PCDHB2: variants seen among roughly 807,000 people sequenced by gnomAD.
PCDHB2 encodes protocadherin beta-2.
For synonymous variants in PCDHB2, 395 were observed against 464.9 expected, an observed-to-expected ratio of 0.85 and a Z score of 1.93; for missense variants, 914 against 1,023.1, an observed-to-expected ratio of 0.89 and a Z score of 1.45.
chr5:141,095,731 T>A lies in PCDHB2; in HGVS notation c.941T>A (p.Ile314Asn), dbSNP rs1751797775. 2 of 1,614,174 alleles carry A rather than the reference T, an allele frequency of 1.2e-6. No individual in the cohort carries two copies. ...LLRQKLDFES[I>N]QTYTVNIQAT... is the part of the protein sequence containing the mutation. ...AGACAGAAACTGGATTTCGAATCCA[T>A]CCAGACATACACAGTAAATATTCAG... Residue 314 changes from isoleucine (I) to asparagine (N), a missense_variant, in exon 1 of 1, where the codon ATC becomes AAC. By Grantham distance (149) the Ile-to-Asn change is moderately radical. Coordinates refer to ENST00000194155, the MANE Select transcript of PCDHB2 (RefSeq NM_018936.4).
Position 141,095,151 on chromosome 5 carries a change from G to A in PCDHB2, c.361G>A (p.Ala121Thr), listed in dbSNP as rs142298326. ...LLENPLQFFQ[A>T]ELRIRDVNDH... ...AGAAAATCCCTTGCAGTTTTTTCAG[G>A]CGGAGCTACGGATTAGGGACGTAAA... The change falls in exon 1 of 1, where the codon GCG (alanine) becomes ACG (threonine). Residue 121 changes from alanine to threonine, a missense_variant. Physicochemically the swap from Ala to Thr is moderately conservative, Grantham distance 58. Coordinates refer to ENST00000194155, the MANE Select transcript of PCDHB2 (RefSeq NM_018936.4). The A allele has an allele frequency of 4.9e-5, 79 of 1,612,830 alleles. No individual in the cohort carries two copies. The African/African-American group carries it at 1.0e-3, about 21-fold the overall frequency.
At position 141,097,362 on chromosome 5, in the gene PCDHB2, A is replaced by C; in HGVS notation, c.*175A>C. The C allele has an allele frequency of 1.5e-6, 1 of 662,816 alleles. No homozygotes were observed. Among genetic ancestry groups the C allele is most frequent in the Non-Finnish European group, 2.4e-6 (1 of 422,404 alleles). The allele number at this position is 662,816 out of a possible 1,614,324, so 41.1% of individuals were successfully genotyped here. ...GTTTTTTTGCGGTATAATAAATGTA[A>C]ATTTTCTTTGTATTCTAATTGTTGG... On this transcript the variant is annotated 3_prime_UTR_variant, in exon 1 of 1. Transcript: ENST00000194155.
chr5:141,097,275 T>C lies in PCDHB2; in HGVS notation c.*88T>C. The C allele has an allele frequency of 7.2e-7, 1 of 1,381,170 alleles. No homozygotes were observed. The highest frequency in any genetic ancestry group is 9.9e-7 in the Non-Finnish European group (1 of 1,015,134). The allele number at this position is 1,381,170 out of a possible 1,614,324, so 85.6% of individuals were successfully genotyped here. A position where few individuals can be genotyped will look rare whatever the true frequency, so the allele number is the denominator to read the frequency against. ...TTTGCCCATTGGAGGTGTCTCCTTT[T>C]ATTAGAAAGTAACCATCTTATTCCA... On this transcript the variant is annotated 3_prime_UTR_variant, in exon 1 of 1. Coordinates refer to ENST00000194155, the MANE Select transcript of PCDHB2 (RefSeq NM_018936.4).
rs782281418 is a variant in PCDHB2, at chr5:141,094,866, G to C, written c.76G>C (p.Ala26Pro). 1.5e-5 allele frequency: 25 copies of C among 1,613,174 alleles called. No individual in the cohort carries two copies. The highest frequency in any genetic ancestry group is 2.7e-5 in the African/African-American group (2 of 74,882). Residue 26 changes from alanine to proline, a missense_variant, in exon 1 of 1, where the codon GCT becomes CCT. Physicochemically the swap from Ala to Pro is conservative, Grantham distance 27 (BLOSUM62 -1). Transcript: ENST00000194155. Reference protein sequence around the residue: ...VLIFFVLLGIAQASCQPRHYS... With the variant: ...VLIFFVLLGIPQASCQPRHYS... The stretch of plus-strand genomic sequence containing the variant: ...GATATTCTTTGTTTTGCTGGGCATA[G>C]CTCAGGCTAGTTGCCAGCCTAGGCA...
Position 141,098,009 on chromosome 5 carries a change from T to G in PCDHB2, c.*822T>G, listed in dbSNP as rs1383180423. ...CCACCGCCCCCCAGTCCAATATGTA[T>G]ACTTCTTTCAAGTGTTGACATATGA... On this transcript the variant is annotated 3_prime_UTR_variant, in exon 1 of 1. Transcript: ENST00000194155. The G allele has an allele frequency of 6.6e-6, 1 of 152,242 alleles. No homozygotes were observed. Among genetic ancestry groups the G allele is most frequent in the Non-Finnish European group, 1.5e-5 (1 of 68,058 alleles). 9.4% of individuals were successfully genotyped at this position (152,242 alleles called of 1,614,324 possible). A position where few individuals can be genotyped will look rare whatever the true frequency, so the allele number is the denominator to read the frequency against.
chr5:141,096,985 G>T lies in PCDHB2; in HGVS notation c.2195G>T (p.Gly732Val), dbSNP rs572676331. The change falls in exon 1 of 1, where the codon GGC becomes GTC. Residue 732 changes from glycine (G) to valine (V), a missense_variant. Physicochemically the swap from Gly to Val is moderately radical, Grantham distance 109 (BLOSUM62 -3). Transcript: ENST00000194155. ...GTGGGTCGCTGCTCGGTGCCCGAGG[G>T]CCCCTTTCCAGGGCAGATGGTGGAC... ...ASVGRCSVPE[G>V]PFPGQMVDVS... The T allele has an allele frequency of 6.2e-7, 1 of 1,613,048 alleles. No homozygotes were observed. The highest frequency in any genetic ancestry group is 1.3e-5 in the African/African-American group (1 of 74,898).
At position 141,095,661 on chromosome 5, in the gene PCDHB2, C is replaced by G. The variant is rs1554271302; in HGVS notation, c.871C>G (p.Arg291Gly). ...YAFSQASEDI[R>G]KTFRLSAKSG... ...ATTTTCCCAAGCATCTGAAGACATTCGCAAAACGTTTCGATTAAGTGCAAA... is the reference window on the plus strand; with the variant it reads ...ATTTTCCCAAGCATCTGAAGACATTGGCAAAACGTTTCGATTAAGTGCAAA... Residue 291 changes from arginine (R) to glycine (G), a missense_variant, in exon 1 of 1, where the codon CGC (arginine) becomes GGC (glycine). Arg to Gly is a moderately radical substitution (Grantham distance 125). Transcript: ENST00000194155. 5.0e-6 allele frequency: 8 copies of G among 1,614,150 alleles called. No individual in the cohort carries two copies. The highest frequency in any genetic ancestry group is 5.9e-6 in the Non-Finnish European group (7 of 1,180,038).
rs1454502277 is a variant in PCDHB2, at chr5:141,097,911, T to G, written c.*724T>G. ...ACAGGGTGTCTCCATGTTGGTCAGG[T>G]TGGTCTTGAACTCCTGACCTTAGGT... On this transcript the variant is annotated 3_prime_UTR_variant, in exon 1 of 1. Transcript: ENST00000194155. 6.6e-6 allele frequency: 1 copy of G among 152,182 alleles called. No homozygotes were observed. Among genetic ancestry groups the G allele is most frequent in the African/African-American group, 2.4e-5 (1 of 41,424 alleles). The allele number at this position is 152,182 out of a possible 1,614,324, so 9.4% of individuals were successfully genotyped here.
rs782281418 is a variant in PCDHB2 at position 141,094,866 on chromosome 5, G to A, written c.76G>A (p.Ala26Thr). Residue 26 changes from alanine (A) to threonine (T), a missense_variant, in exon 1 of 1, where the codon GCT becomes ACT. Ala to Thr is a moderately conservative substitution (Grantham distance 58, BLOSUM62 0). Transcript: ENST00000194155. ...VLIFFVLLGI[A>T]QASCQPRHYS... is the part of the protein sequence containing the mutation. ...GATATTCTTTGTTTTGCTGGGCATA[G>A]CTCAGGCTAGTTGCCAGCCTAGGCA... The A allele has an allele frequency of 6.2e-7, 1 of 1,613,292 alleles. No individual in the cohort carries two copies.
At position 141,097,386 on chromosome 5, in the gene PCDHB2, GGTTA is replaced by G; in HGVS notation, c.*203_*206del. The stretch of plus-strand genomic sequence containing the variant: ...AAATTTTCTTTGTATTCTAATTGTT[GGTTA>G]GTTTCATTGCAATTTAATTGCATTT... On this transcript the variant is annotated 3_prime_UTR_variant, in exon 1 of 1. Coordinates refer to ENST00000194155, the MANE Select transcript of PCDHB2 (RefSeq NM_018936.4). 1.8e-6 allele frequency: 1 copy of G among 569,522 alleles called. No individual in the cohort carries two copies. Among genetic ancestry groups the G allele is most frequent in the Non-Finnish European group, 2.9e-6 (1 of 345,862 alleles). 35.3% of individuals were successfully genotyped at this position (569,522 alleles called of 1,614,324 possible). A position where few individuals can be genotyped will look rare whatever the true frequency, so the allele number is the denominator to read the frequency against.
chr5:141,095,715 C>T lies in PCDHB2; in HGVS notation c.925C>T (p.Leu309=). ...GGGAGAACTGCTTTTAAGACAGAAA[C>T]TGGATTTCGAATCCATCCAGACATA... is the stretch of plus-strand genomic sequence containing the variant. ...KSGELLLRQK[L]DFESIQTYTV... The change falls in exon 1 of 1, where the codon CTG becomes TTG. Residue 309 remains leucine (L), a synonymous_variant. Coordinates refer to ENST00000194155, the MANE Select transcript of PCDHB2 (RefSeq NM_018936.4). The T allele has an allele frequency of 6.2e-7, 1 of 1,614,132 alleles. No individual in the cohort carries two copies. Among genetic ancestry groups the T allele is most frequent in the Non-Finnish European group, 8.5e-7 (1 of 1,179,996 alleles).
rs1751838252 is a variant in PCDHB2, at chr5:141,096,736, A to G, written c.1946A>G (p.Asn649Ser). The change falls in exon 1 of 1, where the codon AAT becomes AGT. Residue 649 changes from asparagine to serine, a missense_variant. Transcript: ENST00000194155. ...AGGCTGGTGGTGCTGGTCAAGGACAATGGCGAGCCTCCGCGCTCGGCCACC... is the reference window on the plus strand; with the variant it reads ...AGGCTGGTGGTGCTGGTCAAGGACAGTGGCGAGCCTCCGCGCTCGGCCACC... The part of the protein sequence containing the change: ...KQRLVVLVKD[N>S]GEPPRSATAT... The G allele has an allele frequency of 6.2e-7, 1 of 1,610,336 alleles. No homozygotes were observed. The highest frequency in any genetic ancestry group is 8.5e-7 in the Non-Finnish European group (1 of 1,179,648).
At position 141,095,195 on chromosome 5, in the gene PCDHB2, C is replaced by T. The variant is rs947722028; in HGVS notation, c.405C>T (p.Phe135=). 5 of 1,609,954 alleles carry T rather than the reference C, an allele frequency of 3.1e-6. No homozygotes were observed. Among genetic ancestry groups the T allele is most frequent in the East Asian group, 2.2e-5 (1 of 44,846 alleles). Residue 135 remains phenylalanine (F), a synonymous_variant, in exon 1 of 1, where the codon TTC becomes TTT. Coordinates refer to ENST00000194155, the MANE Select transcript of PCDHB2 (RefSeq NM_018936.4). ...ACGTAAATGATCATTCCCCAGTTTT[C>T]CTAGACAAAGAAATACTTTTGAAAA... ...IRDVNDHSPV[F]LDKEILLKIP...
Position 141,098,221 on chromosome 5 carries a change from T to C in PCDHB2, c.*1034T>C, listed in dbSNP as rs1554271832. On this transcript the variant is annotated 3_prime_UTR_variant, in exon 1 of 1. Coordinates refer to ENST00000194155, the MANE Select transcript of PCDHB2 (RefSeq NM_018936.4). The stretch of plus-strand genomic sequence containing the variant: ...CATCATGCTTTCTCTTTCAAATAGT[T>C]TTTTTAAGAGCCCTCTGCTTATTCC... 1 of 152,186 alleles carries C rather than the reference T, an allele frequency of 6.6e-6. No individual in the cohort carries two copies. The highest frequency in any genetic ancestry group is 1.5e-5 in the Non-Finnish European group (1 of 68,046). 9.4% of individuals were successfully genotyped at this position (152,186 alleles called of 1,614,324 possible).
Position 141,097,271 on chromosome 5 carries a change from C to T in PCDHB2, c.*84C>T. 7.1e-7 allele frequency: 1 copy of T among 1,413,020 alleles called. No homozygotes were observed. The highest frequency in any genetic ancestry group is 9.6e-7 in the Non-Finnish European group (1 of 1,044,148). The allele number at this position is 1,413,020 out of a possible 1,614,324, so 87.5% of individuals were successfully genotyped here. ...CTGCTTTGCCCATTGGAGGTGTCTC[C>T]TTTTATTAGAAAGTAACCATCTTAT... is the stretch of plus-strand genomic sequence containing the variant. On this transcript the variant is annotated 3_prime_UTR_variant, in exon 1 of 1. Transcript: ENST00000194155.
At position 141,096,528 on chromosome 5, in the gene PCDHB2, C is replaced by T. The variant is rs1348797529; in HGVS notation, c.1738C>T (p.Arg580Trp). Residue 580 changes from arginine to tryptophan, a missense_variant, in exon 1 of 1, where the codon CGG becomes TGG. Arg to Trp is a moderately radical substitution (Grantham distance 101). Coordinates refer to ENST00000194155, the MANE Select transcript of PCDHB2 (RefSeq NM_018936.4). Reference protein sequence around the residue: ...GSAPCTELVPRAAEPGYLVTK... With the variant: ...GSAPCTELVPWAAEPGYLVTK... Reference sequence around the variant, plus strand: ...CGCGCCCTGCACCGAGCTGGTGCCCCGGGCGGCCGAGCCGGGCTACCTGGT... The same window carrying T: ...CGCGCCCTGCACCGAGCTGGTGCCCTGGGCGGCCGAGCCGGGCTACCTGGT... The T allele has an allele frequency of 1.2e-6, 2 of 1,606,756 alleles. No individual in the cohort carries two copies. Among genetic ancestry groups the T allele is most frequent in the Admixed American group, 1.7e-5 (1 of 59,778 alleles).
chr5:141,095,253 T>A lies in PCDHB2; in HGVS notation c.463T>A (p.Leu155Ile), dbSNP rs142547099. The change falls in exon 1 of 1, where the codon TTA becomes ATA. Residue 155 changes from leucine (L) to isoleucine (I), a missense_variant. Physicochemically the swap from Leu to Ile is conservative, Grantham distance 5. Coordinates refer to ENST00000194155, the MANE Select transcript of PCDHB2 (RefSeq NM_018936.4). Reference protein sequence around the residue: ...PESITPGTTFLIERAQDLDVG... With the variant: ...PESITPGTTFIIERAQDLDVG... ...AAGTATCACTCCTGGAACTACTTTC[T>A]TAATAGAACGTGCCCAGGACTTGGA... 7 of 1,613,994 alleles carry A rather than the reference T, an allele frequency of 4.3e-6. No homozygotes were observed. In the African/African-American group the frequency reaches 9.3e-5, roughly 22 times the overall value.
At position 141,095,646 on chromosome 5, in the gene PCDHB2, G is replaced by C. The variant is rs782320917; in HGVS notation, c.856G>C (p.Ala286Pro). The C allele has an allele frequency of 3.1e-6, 5 of 1,614,168 alleles. No homozygotes were observed. The South Asian group carries it at 3.3e-5, about 11-fold the overall frequency. ...NGEISYAFSQ[A>P]SEDIRKTFRL... ...AGAAATATCTTATGCATTTTCCCAA[G>C]CATCTGAAGACATTCGCAAAACGTT... Residue 286 changes from alanine to proline, a missense_variant, in exon 1 of 1, where the codon GCA (alanine) becomes CCA (proline). By Grantham distance (27) the Ala-to-Pro change is conservative (BLOSUM62 -1). Coordinates refer to ENST00000194155, the MANE Select transcript of PCDHB2 (RefSeq NM_018936.4).
Position 141,094,815 on chromosome 5 carries a change from C to G in PCDHB2, c.25C>G (p.Arg9Gly), listed in dbSNP as rs781848412. MEAGEGKE[R>G]VPKQRQVLIF... is the part of the protein sequence containing the mutation. The stretch of plus-strand genomic sequence containing the variant: ...AATGGAGGCCGGAGAGGGGAAGGAG[C>G]GCGTTCCGAAACAAAGGCAAGTCCT... The change falls in exon 1 of 1, where the codon CGC becomes GGC. Residue 9 changes from arginine (R) to glycine (G), a missense_variant. By Grantham distance (125) the Arg-to-Gly change is moderately radical. Transcript: ENST00000194155. 1.3e-6 allele frequency: 2 copies of G among 1,572,342 alleles called. No individual in the cohort carries two copies. The highest frequency in any genetic ancestry group is 1.8e-5 in the Admixed American group (1 of 54,092).
Sources: allele counts gnomAD v4.1 joint callset, GRCh38; gene constraint gnomAD v4.1.1; transcripts MANE v1.5; gene names NCBI Gene and HGNC (gene_info 2026-07-23, HGNC 2026-07-21).